The following GABRA3 variants were observed in gnomAD, a reference collection of about 807,000 sequenced individuals.
The protein encoded by GABRA3 is gamma-aminobutyric acid type A receptor subunit alpha3.
GABRA3 carries 10 observed loss-of-function variants against 30.1 expected under a neutral mutation model. The observed-to-expected ratio is 0.33, with a 90% confidence interval of 0.20 to 0.56. The LOEUF (loss-of-function observed/expected upper bound fraction) is 0.56. GABRA3 is among the 20% of genes least tolerant of loss of function. The pLI is 0.89. For synonymous variants in GABRA3, 151 were observed against 146.8 expected (o/e 1.03, Z -0.21); for missense variants, 233 against 392.0 (o/e 0.59, Z 3.42).
At chrX:152,259,734 A>G (rs1171022567) in intron 4 of GABRA3, among the ~76,000 whole-genome samples, 1 of 111,313 alleles carries the variant, frequency 9.0e-6, no homozygotes, top group African/African-American at 3.3e-5. Flanking sequence ...CAGCAGTGAT[A>G]CCCAAACACT....
At chrX:152,445,267 C>T (rs1053330095) in intron 1 of GABRA3, among the ~76,000 whole-genome samples, 2 of 109,574 alleles carry the variant, frequency 1.8e-5, no homozygotes, top group Middle Eastern at 4.7e-3. Flanking sequence ...ACTAGTATTT[C>T]CCTTCACATA....
rs966125679 is a variant in GABRA3 at position 152,389,158 on chromosome X, T to C, written c.-26-24562A>G. On this transcript the variant is annotated intron_variant, in intron 1 of 9. Transcript: ENST00000370314. ...CACACAAGGCATAGAAAGTAGTAGC[T>C]TTGGTCCAGAAGTAGAGGGTAATGG... 2.7e-5 allele frequency: 3 copies of C among 111,993 alleles called. No homozygotes were observed. In the Admixed American group the frequency reaches 2.9e-4, roughly 11 times the overall value. The allele number at this position is 111,993 out of a possible 1,213,427, so 9.2% of individuals were successfully genotyped here.
At chrX:152,260,075 T>C (rs1376548561) in intron 4 of GABRA3, among the ~76,000 whole-genome samples, 1 of 109,935 alleles carries the variant, frequency 9.1e-6, no homozygotes, top group East Asian at 2.9e-4. Flanking sequence ...CTTTTGGGCC[T>C]TAAGGGAACA....
chrX:152,441,258 T>C (rs1379465171), intron 1 of GABRA3, among the ~76,000 whole-genome samples: 1 of 111,216 alleles, frequency 9.0e-6, no homozygotes, highest in African/African-American at 3.3e-5. Context: ...TAAATCTGAC[T>C]AAAAAATAAA....
chrX:152,168,348 G>A lies in GABRA3; in HGVS notation c.1359C>T (p.Ser453=). 1 of 1,211,703 alleles carries A rather than the reference G, an allele frequency of 8.3e-7. No individual in the cohort carries two copies. Among genetic ancestry groups the A allele is most frequent in the Non-Finnish European group, 1.1e-6 (1 of 895,319 alleles). The change falls in exon 10 of 10, where the codon AGC becomes AGT. Residue 453 remains serine (S), a synonymous_variant. Coordinates refer to ENST00000370314, the MANE Select transcript of GABRA3 (RefSeq NM_000808.4). Reference sequence around the variant, plus strand: ...TGATGCGGGAAATTTTGTCAACCTTGCTGACACTGTTGTAGGTCTTGGTCT... The same window carrying A: ...TGATGCGGGAAATTTTGTCAACCTTACTGACACTGTTGTAGGTCTTGGTCT... ...PTETKTYNSV[S]KVDKISRIIF...
At chrX:152,444,702 C>T (rs1468656321) in intron 1 of GABRA3, among the ~76,000 whole-genome samples, 3 of 105,568 alleles carry the variant, frequency 2.8e-5, no homozygotes, top group Non-Finnish European at 5.8e-5. Flanking sequence ...TCCACCTCCC[C>T]TTCCCTTAAA....
chrX:152,224,725 A>G, intron 6 of GABRA3, 38 bp downstream of exon 6: 1 of 593,095 alleles, frequency 1.7e-6, no homozygotes, highest in Admixed American at 4.1e-5. Context: ...AAGATCAGGC[A>G]AAAAAAAAAG....
At chrX:152,360,728 AAAAAAAAAATTAAAAAAAAAAATAAATT>A (rs1430292180) in intron 2 of GABRA3, among the ~76,000 whole-genome samples, 11 of 87,740 alleles carry the variant, frequency 1.3e-4, no homozygotes, top group African/African-American at 5.0e-4. Flanking sequence ...AAAAAAATTA[AAAAAAAAAATTAAAAAAAAAAATAAATT>A]AAAAAAAAAA....
intron 4 of GABRA3, among the ~76,000 whole-genome samples, chrX:152,275,236 T>TAATATTATATATATA (rs1569378343): frequency 1.8e-5 from 1 of 56,565 alleles, no homozygotes; most frequent in African/African-American, 9.6e-5. Flanking sequence ...AATTTATATA[T>TAATATTATATATATA]ATTTTATTAT....
intron 4 of GABRA3, among the ~76,000 whole-genome samples, chrX:152,265,976 G>A (rs762677100): frequency 7.2e-5 from 8 of 111,093 alleles, no homozygotes; most frequent in South Asian, 7.6e-4. Flanking sequence ...CAGGTAATGT[G>A]ATCAAAGCCA....
chrX:152,317,390 C>G (rs1939894669), intron 3 of GABRA3, among the ~76,000 whole-genome samples: 1 of 111,587 alleles, frequency 9.0e-6, no homozygotes, highest in South Asian at 3.7e-4. Flanking sequence ...CAATACTCCA[C>G]TGACAGCACT....
intron 1 of GABRA3, among the ~76,000 whole-genome samples, chrX:152,419,358 A>C (rs910561791): frequency 2.7e-5 from 3 of 111,560 alleles, no homozygotes; most frequent in Non-Finnish European, 3.8e-5. Flanking sequence ...AAAAGCCACC[A>C]GCAAGCCTGA....
chrX:152,334,368 T>C lies in GABRA3; in HGVS notation c.262+11213A>G, dbSNP rs1003846907. 5.4e-5 allele frequency among the ~76,000 whole-genome samples: 6 copies of C among 111,336 alleles called. 1 individual carries two copies. The East Asian group carries it at 1.4e-3, about 26-fold the overall frequency. ...TATATGTGAAGTCTACTCAGTGCAA[T>C]AAAGAAAGAAAAAAGAGCATCCATA... On this transcript the variant is annotated intron_variant, in intron 3 of 9. Coordinates refer to ENST00000370314, the MANE Select transcript of GABRA3 (RefSeq NM_000808.4).
intron 1 of GABRA3, among the ~76,000 whole-genome samples, chrX:152,406,415 A>C (rs991737029): frequency 2.0e-4 from 22 of 108,976 alleles, no homozygotes; most frequent in African/African-American, 7.3e-4. Context: ...ATGGAAACCC[A>C]AAACAGAAGG....
At chrX:152,331,041 T>G (rs950826062) in intron 3 of GABRA3, among the ~76,000 whole-genome samples, 2 of 110,061 alleles carry the variant, frequency 1.8e-5, no homozygotes, top group African/African-American at 6.6e-5. Context: ...GAACACAGTT[T>G]GAGGAATGTT....
rs1928599659 is a variant in GABRA3 at position 152,364,462 on chromosome X, G to A, written c.109C>T (p.Pro37Ser). 8.3e-7 allele frequency: 1 copy of A among 1,207,526 alleles called. No individual in the cohort carries two copies. The highest frequency in any genetic ancestry group is 1.8e-5 in the South Asian group (1 of 56,537). ...TGQGESRRQE[P>S]GDFVKQDIGG... is the part of the protein sequence containing the mutation. ...ATGTCCTGCTTCACAAAGTCCCCGG[G>A]TTCTTGTCGTCTTGATTCCCCTTGA... Residue 37 changes from proline (P) to serine (S), a missense_variant, in exon 2 of 10, where the codon CCC (proline) becomes TCC (serine). Pro to Ser is a moderately conservative substitution (Grantham distance 74). Around this residue, in one of 6 missense-constraint regions of GABRA3, gnomAD observed 69 missense variants for 79.4 expected, o/e 0.87. Transcript: ENST00000370314.
intron 1 of GABRA3, among the ~76,000 whole-genome samples, chrX:152,408,854 C>T (rs1257192847): frequency 9.1e-6 from 1 of 110,335 alleles, no homozygotes; most frequent in African/African-American, 3.3e-5. Context: ...GTAGCATGGC[C>T]CTGGGATAAA....
At chrX:152,217,420 T>C (rs757661163) in intron 6 of GABRA3, among the ~76,000 whole-genome samples, 24 of 111,733 alleles carry the variant, frequency 2.1e-4, no homozygotes, top group African/African-American at 7.7e-4. Context: ...CCTATAGTTG[T>C]ATTTTTTAGT....
rs754784860 is a variant in GABRA3 at position 152,335,596 on chromosome X, A to C, written c.262+9985T>G. Among the ~76,000 whole-genome samples, 11 of 112,163 alleles carry C rather than the reference A, an allele frequency of 9.8e-5. No homozygotes were observed. In the East Asian group the frequency reaches 3.1e-3, roughly 31 times the overall value. On this transcript the variant is annotated intron_variant, in intron 3 of 9. Coordinates refer to ENST00000370314, the MANE Select transcript of GABRA3 (RefSeq NM_000808.4). ...AAATCTTTCACCTCTGCAACTATTA[A>C]AACCTTCAAAGAATTTTTTAAATTT... is the stretch of plus-strand genomic sequence containing the variant.
Sources: allele counts gnomAD v4.1 joint callset (sites outside exome capture counted in the v4.1 genomes callset), GRCh38; gene constraint gnomAD v4.1.1; regional missense constraint gnomAD v4.1.1; transcripts MANE v1.5; gene names NCBI Gene and HGNC (gene_info 2026-07-23, HGNC 2026-07-21).